The following DNM1L variants were observed in gnomAD, a reference collection of about 807,000 sequenced individuals.
DNM1L encodes dynamin 1L.
Under a neutral mutation model 92.8 loss-of-function variants are expected in DNM1L, and 33 were observed. That is an observed-to-expected ratio of 0.36 (90% confidence interval 0.27 to 0.48). The LOEUF (loss-of-function observed/expected upper bound fraction) is 0.48. Ranked by LOEUF, DNM1L falls within the 20% of genes least tolerant of loss-of-function variation. DNM1L has a pLI of 0.99. For missense variants in DNM1L, 485 were observed against 888.8 expected (o/e 0.55, Z 5.78); for synonymous variants, 284 against 305.0 (o/e 0.93, Z 0.72).
chr12:32,710,483 G>C (rs1039445115), intron 4 of DNM1L, among the ~76,000 whole-genome samples: 27 of 152,044 alleles, frequency 1.8e-4, no homozygotes, highest in African/African-American at 6.3e-4. Flanking sequence ...TCTGGACATG[G>C]TGGTGCACAC....
intron 13 of DNM1L, among the ~76,000 whole-genome samples, chr12:32,734,015 T>A (rs775989923): frequency 8.5e-5 from 13 of 152,360 alleles, no homozygotes; most frequent in Admixed American, 3.3e-4. Context: ...CTTATGAAAT[T>A]GAAATTCAGA....
At chr12:32,695,154 A>G (rs1486245419) in intron 1 of DNM1L, among the ~76,000 whole-genome samples, 1 of 152,158 alleles carries the variant, frequency 6.6e-6, no homozygotes, top group Non-Finnish European at 1.5e-5. Flanking sequence ...AAAGCAAGAA[A>G]CTATATTTTT....
intron 1 of DNM1L, among the ~76,000 whole-genome samples, chr12:32,684,470 CAT>C (rs1313598136): frequency 6.7e-6 from 1 of 149,870 alleles, no homozygotes; most frequent in Non-Finnish European, 1.5e-5. Flanking sequence ...TGTTGCTCAA[CAT>C]AATTCTTTTT....
intron 6 of DNM1L, 39 bp downstream of exon 6, chr12:32,713,410 C>T (rs1268669282): frequency 1.9e-6 from 3 of 1,605,792 alleles, no homozygotes; most frequent in Non-Finnish European, 1.7e-6. Flanking sequence ...GCTTATTTTA[C>T]AATGGTAAAT....
At chr12:32,716,042 C>T (rs1953349297) in intron 6 of DNM1L, among the ~76,000 whole-genome samples, 1 of 152,070 alleles carries the variant, frequency 6.6e-6, no homozygotes, top group Non-Finnish European at 1.5e-5. Context: ...ACATTCCATA[C>T]AATGGGACAC....
intron 9 of DNM1L, among the ~76,000 whole-genome samples, chr12:32,729,739 T>C (rs1954420088): frequency 6.6e-6 from 1 of 152,148 alleles, no homozygotes; most frequent in Non-Finnish European, 1.5e-5. Context: ...GGATTACAGG[T>C]GTGAGCCACT....
Position 32,731,161 on chromosome 12 carries a change from T to TA in DNM1L, c.1200+36dup, listed in dbSNP as rs752127425. 162 of 1,594,810 alleles carry TA rather than the reference T, an allele frequency of 1.0e-4. No individual in the cohort carries two copies. Among genetic ancestry groups the TA allele is most frequent in the East Asian group, 2.5e-4 (11 of 44,012 alleles). ...TGAGTATGTTTAGCTTTTTAGACTG[T>TA]AAAAAAAAATGAGGTTAAAGTTTTT... On this transcript the variant is annotated intron_variant, in intron 10 of 19. Coordinates refer to ENST00000549701, the MANE Select transcript of DNM1L (RefSeq NM_012062.5). This position sits in a 1 kb window ranked among gnomAD's most constrained non-coding sequence, Gnocchi z 5.1.
At chr12:32,688,139 G>C (rs1350548721) in intron 1 of DNM1L, among the ~76,000 whole-genome samples, 2 of 151,972 alleles carry the variant, frequency 1.3e-5, no homozygotes, top group Non-Finnish European at 2.9e-5. Flanking sequence ...TGGCAAGATT[G>C]ATCTCAAACT....
intron 9 of DNM1L, 106 bp from the exon 10 acceptor site, chr12:32,730,908 C>T: frequency 2.0e-6 from 3 of 1,509,578 alleles, no homozygotes; most frequent in Non-Finnish European, 2.7e-6. Flanking sequence ...TTATCTGAGG[C>T]TTTCTCAGAA....
chr12:32,742,888 C>CTTTTTTTTTTTTTTT (rs36039451), intron 19 of DNM1L, 140 bp downstream of exon 19: 1 of 201,924 alleles, frequency 5.0e-6, no homozygotes, highest in Non-Finnish European at 8.5e-6. Flanking sequence ...TGATAAGAAT[C>CTTTTTTTTTTTTTTT]TTTTTTTTTT....
intron 9 of DNM1L, chr12:32,725,780 G>T: frequency 6.6e-6 from 1 of 152,306 alleles, no homozygotes; most frequent in Non-Finnish European, 1.5e-5. Context: ...TAATTTTTGT[G>T]TTTTAGTAGA....
chr12:32,726,396 T>C lies in DNM1L; in HGVS notation c.1079+3763T>C, dbSNP rs527474457. ...TATCCTGCTTCACTGCTGCTTGCAC[T>C]CTGCTGGGTTTTGATCCTTCTTCGG... On this transcript the variant is annotated intron_variant, in intron 9 of 19. Coordinates refer to ENST00000549701, the MANE Select transcript of DNM1L (RefSeq NM_012062.5). The C allele has an allele frequency of 5.7e-6, 9 of 1,577,690 alleles. No individual in the cohort carries two copies. The Admixed American group carries it at 1.5e-4, about 26-fold the overall frequency.
chr12:32,693,892 G>A (rs1331175295), intron 1 of DNM1L, among the ~76,000 whole-genome samples: 2 of 151,986 alleles, frequency 1.3e-5, no homozygotes, highest in African/African-American at 2.4e-5. Flanking sequence ...GCCTACCTTG[G>A]CCTCCCACAT....
Position 32,720,643 on chromosome 12 carries a change from T to A in DNM1L, c.741-21T>A, listed in dbSNP as rs765956978. On this transcript the variant is annotated intron_variant, in intron 7 of 19. Coordinates refer to ENST00000549701, the MANE Select transcript of DNM1L (RefSeq NM_012062.5). ...AGGACAACAGTTAAGCTGAATAGTT[T>A]CGTTATTTTTTCAACCTCAGGAGCC... 9.3e-6 allele frequency: 15 copies of A among 1,613,534 alleles called. No homozygotes were observed. The Middle Eastern group carries it at 8.2e-4, about 89-fold the overall frequency.
chr12:32,722,692 T>G, intron 9 of DNM1L, 59 bp downstream of exon 9: 2 of 1,313,206 alleles, frequency 1.5e-6, no homozygotes, highest in South Asian at 2.4e-5. Context: ...ACTTTTCCTT[T>G]TGTGAAGATG....
At chr12:32,703,924 T>G (rs1211087298) in intron 2 of DNM1L, among the ~76,000 whole-genome samples, 1 of 152,214 alleles carries the variant, frequency 6.6e-6, no homozygotes, top group Non-Finnish European at 1.5e-5. Flanking sequence ...TCATCTCAGC[T>G]TGCCCCCTAC....
intron 1 of DNM1L, among the ~76,000 whole-genome samples, chr12:32,683,232 T>A (rs1371354159): frequency 6.6e-6 from 1 of 152,214 alleles, no homozygotes; most frequent in Non-Finnish European, 1.5e-5. Flanking sequence ...TTGGATTTTT[T>A]ATTTTTATTT....
intron 1 of DNM1L, among the ~76,000 whole-genome samples, chr12:32,686,937 CTT>C (rs71447614): frequency 3.1e-5 from 3 of 95,620 alleles, no homozygotes; most frequent in Non-Finnish European, 6.4e-5. Flanking sequence ...TCTTTTTTTT[CTT>C]TTTTTTTTTT....
intron 1 of DNM1L, among the ~76,000 whole-genome samples, chr12:32,693,541 G>A (rs1176357309): frequency 6.6e-6 from 1 of 152,130 alleles, no homozygotes; most frequent in Admixed American, 6.6e-5. Flanking sequence ...GCTTTACTGA[G>A]ATACACTCTA....
Sources: gnomAD v4.1 joint callset for allele counts (sites outside exome capture counted in the v4.1 genomes callset) on GRCh38, gnomAD v4.1.1 for gene constraint, Gnocchi (gnomAD v3.1) non-coding constraint, MANE v1.5 for transcripts, NCBI Gene and HGNC (gene_info 2026-07-23, HGNC 2026-07-21) for gene names.